Variants in ADAMTS12 observed in about 807,000 individuals in gnomAD.
ADAMTS12 encodes A disintegrin and metalloproteinase with thrombospondin motifs 12.
Under a neutral mutation model 167.8 loss-of-function variants are expected in ADAMTS12, and 118 were observed. The ratio of observed to expected loss-of-function variants is 0.70; its 90% CI spans 0.61 to 0.82. The LOEUF (loss-of-function observed/expected upper bound fraction) is 0.82, where lower values mean the gene tolerates loss of function less well. ADAMTS12 is among the 40% of genes least tolerant of loss of function. The pLI is 0.00. For synonymous variants in ADAMTS12, 704 were observed against 716.9 expected (o/e 0.98, Z 0.29); for missense variants, 1,916 against 1,998.8 (o/e 0.96, Z 0.79).
rs368589714 is a variant in ADAMTS12 at position 33,576,040 on chromosome 5, A to C, written c.3972+14T>G. On this transcript the variant is annotated intron_variant, in intron 19 of 23. Transcript: ENST00000504830. ...TTCCATGTAAAACCAGGCCAGGGGT[A>C]GGAAATGTCTTACCTCGCTCCAGTT... 490 of 1,599,568 alleles carry C rather than the reference A, an allele frequency of 3.1e-4. No homozygotes were observed. In the African/African-American group the frequency reaches 5.9e-3, roughly 19 times the overall value.
At position 33,691,693 on chromosome 5, in the gene ADAMTS12, T is replaced by C. The variant is rs573715860; in HGVS notation, c.635-7638A>G. On this transcript the variant is annotated intron_variant, in intron 3 of 23. Coordinates refer to ENST00000504830, the MANE Select transcript of ADAMTS12 (RefSeq NM_030955.4). Reference sequence around the variant, plus strand: ...CATGCTGGCATTTAGTTAGGGCTGGTCCTAAGCTTCAGCAGGACCTTCCAA... The same window carrying C: ...CATGCTGGCATTTAGTTAGGGCTGGCCCTAAGCTTCAGCAGGACCTTCCAA... Among the ~76,000 whole-genome samples, 163 of 152,274 alleles carry C rather than the reference T, an allele frequency of 1.1e-3. 1 individual carries two copies. The highest frequency in any genetic ancestry group is 3.8e-3 in the African/African-American group (156 of 41,556).
intron 3 of ADAMTS12, among the ~76,000 whole-genome samples, chr5:33,695,339 T>G (rs571045629): frequency 6.6e-6 from 1 of 152,294 alleles, no homozygotes; most frequent in African/African-American, 2.4e-5. Context: ...GTTAAGAAAT[T>G]TTTATCAAGT....
At chr5:33,718,763 A>G (rs1207734469) in intron 3 of ADAMTS12, among the ~76,000 whole-genome samples, 1 of 152,140 alleles carries the variant, frequency 6.6e-6, no homozygotes, top group Non-Finnish European at 1.5e-5. Context: ...AGGATCCTTT[A>G]TGTGTCATAA....
intron 1 of ADAMTS12, among the ~76,000 whole-genome samples, chr5:33,889,395 G>A (rs1456261303): frequency 6.6e-6 from 1 of 152,194 alleles, no homozygotes; most frequent in African/African-American, 2.4e-5. Flanking sequence ...CTATCAAAGT[G>A]GAAATGGAAG....
At chr5:33,873,856 G>A (rs1287274981) in intron 2 of ADAMTS12, among the ~76,000 whole-genome samples, 1 of 152,082 alleles carries the variant, frequency 6.6e-6, no homozygotes, top group Non-Finnish European at 1.5e-5. Flanking sequence ...ACATTCACAG[G>A]CAAAAATAAT....
chr5:33,531,615 G>T (rs971835216), intron 23 of ADAMTS12, among the ~76,000 whole-genome samples: 1 of 152,192 alleles, frequency 6.6e-6, no homozygotes, highest in African/African-American at 2.4e-5. Flanking sequence ...TGAATCTCTT[G>T]TACTGGTGAT....
chr5:33,797,243 G>A (rs949006187), intron 2 of ADAMTS12, among the ~76,000 whole-genome samples: 8 of 152,060 alleles, frequency 5.3e-5, no homozygotes, highest in African/African-American at 1.9e-4. Context: ...AGTGGTCAAG[G>A]GTCTGTAATC....
chr5:33,865,831 GAATCA>G (rs1191606858), intron 2 of ADAMTS12, among the ~76,000 whole-genome samples: 1 of 152,076 alleles, frequency 6.6e-6, no homozygotes, highest in Non-Finnish European at 1.5e-5. Flanking sequence ...ACCAAGCTGA[GAATCA>G]AATCAAGAAC....
chr5:33,851,800 T>C (rs1295334073), intron 2 of ADAMTS12, among the ~76,000 whole-genome samples: 1 of 152,250 alleles, frequency 6.6e-6, no homozygotes, highest in Non-Finnish European at 1.5e-5. Flanking sequence ...TCATTTATTC[T>C]GCACCATACG....
At chr5:33,809,262 T>C (rs1039708633) in intron 2 of ADAMTS12, among the ~76,000 whole-genome samples, 1 of 152,214 alleles carries the variant, frequency 6.6e-6, no homozygotes, top group Admixed American at 6.5e-5. Context: ...CAGGTGATTC[T>C]GGTGCTGCCG....
Position 33,530,303 on chromosome 5 carries a change from T to C in ADAMTS12, c.4607-2937A>G, listed in dbSNP as rs560869031. ...ACATGTTTTGACCAAGCATGTCTCT[T>C]GTGGAATATCCCTTCCAGCTCTTCA... is the stretch of plus-strand genomic sequence containing the variant. On this transcript the variant is annotated intron_variant, in intron 23 of 23. Transcript: ENST00000504830. Among the ~76,000 whole-genome samples, 10 of 152,320 alleles carry C rather than the reference T, an allele frequency of 6.6e-5. No homozygotes were observed. The East Asian group carries it at 1.9e-3, about 29-fold the overall frequency.
At chr5:33,714,437 C>A (rs759955543) in intron 3 of ADAMTS12, among the ~76,000 whole-genome samples, 5 of 152,042 alleles carry the variant, frequency 3.3e-5, no homozygotes, top group Non-Finnish European at 5.9e-5. Flanking sequence ...GATCCAGCAA[C>A]CCCACTAATA....
chr5:33,578,707 C>G (rs1746888213), intron 18 of ADAMTS12, among the ~76,000 whole-genome samples: 2 of 152,202 alleles, frequency 1.3e-5, no homozygotes, highest in African/African-American at 4.8e-5. Context: ...ATAATATTGA[C>G]ATAGAAAACT....
At chr5:33,613,560 G>A (rs763299585) in intron 16 of ADAMTS12, among the ~76,000 whole-genome samples, 5 of 152,152 alleles carry the variant, frequency 3.3e-5, no homozygotes, top group Non-Finnish European at 5.9e-5. Flanking sequence ...CTTTCCTTAC[G>A]GGGCAAGCTG....
At chr5:33,807,116 CTCTG>C (rs1446095234) in intron 2 of ADAMTS12, among the ~76,000 whole-genome samples, 1 of 152,220 alleles carries the variant, frequency 6.6e-6, no homozygotes, top group Admixed American at 6.5e-5. Flanking sequence ...TTTCTCCTTT[CTCTG>C]TCTGTTTCAG....
At chr5:33,806,267 T>C (rs1747225075) in intron 2 of ADAMTS12, among the ~76,000 whole-genome samples, 1 of 152,122 alleles carries the variant, frequency 6.6e-6, no homozygotes, top group Admixed American at 6.5e-5. Context: ...GTTCCTTCTC[T>C]CCCCTTACTC....
chr5:33,825,074 C>G (rs879701286), intron 2 of ADAMTS12, among the ~76,000 whole-genome samples: 12 of 152,164 alleles, frequency 7.9e-5, no homozygotes, highest in Non-Finnish European at 1.3e-4. Flanking sequence ...GATTTGGCAG[C>G]TGTGTGTTAA....
chr5:33,866,285 G>C (rs1749818913), intron 2 of ADAMTS12, among the ~76,000 whole-genome samples: 1 of 151,970 alleles, frequency 6.6e-6, no homozygotes, highest in Non-Finnish European at 1.5e-5. Context: ...CAGAAATAAA[G>C]CCAAATACTT....
chr5:33,649,440 G>A, intron 8 of ADAMTS12, 114 bp downstream of exon 8: 2 of 1,316,368 alleles, frequency 1.5e-6, no homozygotes, highest in South Asian at 1.5e-5. Context: ...TGACATGGTG[G>A]CCTGTGGGAT....
Sources: gnomAD v4.1 joint callset for allele counts (sites outside exome capture counted in the v4.1 genomes callset) on GRCh38, gnomAD v4.1.1 for gene constraint, MANE v1.5 for transcripts, NCBI Gene and HGNC (gene_info 2026-07-23, HGNC 2026-07-21) for gene names.